LTBP1: variants seen among roughly 807,000 people sequenced by gnomAD.
LTBP1 encodes latent-transforming growth factor beta-binding protein 1.
LTBP1 carries 129 observed loss-of-function variants against 207.6 expected under a neutral mutation model. That is an observed-to-expected ratio of 0.62 (90% CI 0.54 to 0.72). The LOEUF is 0.72. LTBP1 is among the 30% of genes least tolerant of loss of function. The pLI, the probability that LTBP1 is intolerant of heterozygous loss-of-function variation, is 0.00. For missense variants in LTBP1, 2,281 were observed against 2,217.2 expected, an observed-to-expected ratio of 1.03 and a Z score of -0.58; for synonymous variants, 963 against 833.7, an observed-to-expected ratio of 1.16 and a Z score of -2.67.
chr2:33,384,646 G>A (rs1403397407), intron 31 of LTBP1, among the ~76,000 whole-genome samples: 1 of 152,228 alleles, frequency 6.6e-6, no homozygotes, highest in Admixed American at 6.5e-5. Flanking sequence ...TCTAAGGACA[G>A]AAAATGTGTT....
intron 5 of LTBP1, among the ~76,000 whole-genome samples, chr2:33,140,916 A>C (rs1453511808): frequency 6.6e-6 from 1 of 152,094 alleles, no homozygotes; most frequent in Non-Finnish European, 1.5e-5. Context: ...TGATCCACCC[A>C]CCTCAGCCTC....
At chr2:33,284,912 G>T (rs2093632793) in intron 19 of LTBP1, among the ~76,000 whole-genome samples, 1 of 151,966 alleles carries the variant, frequency 6.6e-6, no homozygotes, top group African/African-American at 2.4e-5. Flanking sequence ...ACATATGGTG[G>T]AACCCCATCC....
intron 3 of LTBP1, among the ~76,000 whole-genome samples, chr2:33,090,345 T>C (rs2079006215): frequency 6.6e-6 from 1 of 152,200 alleles, no homozygotes; most frequent in Non-Finnish European, 1.5e-5. Context: ...AGGTGTTGCC[T>C]TTGGTGGACT....
At chr2:33,297,803 C>T (rs2093909609) in intron 20 of LTBP1, among the ~76,000 whole-genome samples, 1 of 152,194 alleles carries the variant, frequency 6.6e-6, no homozygotes, top group Non-Finnish European at 1.5e-5. Context: ...ACAAGTTTTT[C>T]CAGTCACGTC....
At chr2:33,156,937 A>G (rs759292426) in intron 5 of LTBP1, among the ~76,000 whole-genome samples, 1 of 152,186 alleles carries the variant, frequency 6.6e-6, no homozygotes, top group Non-Finnish European at 1.5e-5. Context: ...AAGAACTTTG[A>G]TTCCATTTGA....
chr2:33,386,344 C>G (rs941106493), intron 31 of LTBP1, among the ~76,000 whole-genome samples: 23 of 152,248 alleles, frequency 1.5e-4, no homozygotes, highest in African/African-American at 5.1e-4. Flanking sequence ...CTTAGAGACT[C>G]AAGCCCATCT....
intron 5 of LTBP1, among the ~76,000 whole-genome samples, chr2:33,179,089 G>A (rs559613797): frequency 5.3e-5 from 8 of 152,100 alleles, no homozygotes; most frequent in Non-Finnish European, 1.2e-4. Flanking sequence ...TCTTTGTCTA[G>A]AGCAAGCTTG....
intron 7 of LTBP1, among the ~76,000 whole-genome samples, chr2:33,202,539 C>G (rs1298862219): frequency 6.6e-6 from 1 of 152,182 alleles, no homozygotes; most frequent in African/African-American, 2.4e-5. Context: ...ACAAAACAAA[C>G]AAACCTAGTT....
intron 3 of LTBP1, among the ~76,000 whole-genome samples, chr2:33,037,198 A>G (rs751297889): frequency 1.3e-5 from 2 of 152,178 alleles, no homozygotes; most frequent in African/African-American, 2.4e-5. Flanking sequence ...AAAAACTACC[A>G]TATCATATAT....
At chr2:33,230,024 A>G (rs889322278) in intron 9 of LTBP1, among the ~76,000 whole-genome samples, 6 of 152,224 alleles carry the variant, frequency 3.9e-5, no homozygotes, top group African/African-American at 1.2e-4. Context: ...TGTGATATTG[A>G]TGGTCAGTAA....
rs35730871 is a variant in LTBP1, at chr2:33,380,424, CA to C, written c.4712-8744del. 1.5e-3 allele frequency among the ~76,000 whole-genome samples: 185 copies of C among 125,626 alleles called. 1 individual carries two copies. The highest frequency in any genetic ancestry group is 2.3e-3 in the South Asian group (9 of 3,884). 82.4% of individuals were successfully genotyped at this position (125,626 alleles called of 152,430 possible). Reference sequence around the variant, plus strand: ...AAACTCTGTTTCTACTAAAAAAATACAAAAAAAAAAAAAAAATTAGCTGGGC... The same window carrying C: ...AAACTCTGTTTCTACTAAAAAAATACAAAAAAAAAAAAAAATTAGCTGGGC... On this transcript the variant is annotated intron_variant, in intron 31 of 33. Transcript: ENST00000404816.
chr2:33,383,541 T>C (rs375964422), intron 31 of LTBP1, among the ~76,000 whole-genome samples: 152 of 152,256 alleles, frequency 1.0e-3, no homozygotes, highest in African/African-American at 3.3e-3. Flanking sequence ...GACCCACTTT[T>C]CTGCTTCTTT....
intron 33 of LTBP1, among the ~76,000 whole-genome samples, chr2:33,398,118 GA>G (rs2095376230): frequency 6.6e-6 from 1 of 152,182 alleles, no homozygotes; most frequent in Non-Finnish European, 1.5e-5. Flanking sequence ...GGTTCTACTA[GA>G]AAATGTCAAG....
At chr2:33,052,578 T>C (rs930822017) in intron 3 of LTBP1, among the ~76,000 whole-genome samples, 1 of 152,222 alleles carries the variant, frequency 6.6e-6, no homozygotes, top group African/African-American at 2.4e-5. Context: ...ATAAACTTAT[T>C]GTCTAAAAGA....
chr2:33,230,419 A>G (rs1423983891), intron 9 of LTBP1, among the ~76,000 whole-genome samples: 6 of 152,120 alleles, frequency 3.9e-5, no homozygotes, highest in Admixed American at 2.6e-4. Flanking sequence ...GGGATGATTT[A>G]TTACATATAC....
intron 26 of LTBP1, among the ~76,000 whole-genome samples, chr2:33,349,460 A>G (rs1310137258): frequency 4.6e-5 from 7 of 151,924 alleles, no homozygotes; most frequent in Admixed American, 3.3e-4. Flanking sequence ...AAAAAAAAGT[A>G]CATTCATACA....
At chr2:33,147,956 C>T (rs564227029) in intron 5 of LTBP1, among the ~76,000 whole-genome samples, 7 of 152,202 alleles carry the variant, frequency 4.6e-5, no homozygotes, top group Non-Finnish European at 7.4e-5. Flanking sequence ...GCCAGCGTCC[C>T]AGGAAGTGAA....
chr2:33,367,874 T>C (rs373886375), intron 31 of LTBP1, among the ~76,000 whole-genome samples: 16 of 152,114 alleles, frequency 1.1e-4, no homozygotes. Flanking sequence ...GATGGCTAAA[T>C]AAATCATGTA....
At chr2:33,011,529 C>T (rs968546764) in intron 2 of LTBP1, among the ~76,000 whole-genome samples, 4 of 151,872 alleles carry the variant, frequency 2.6e-5, no homozygotes, top group Non-Finnish European at 5.9e-5. Context: ...GAGGGAAGAC[C>T]GAGTGAAGTC....
Sources: allele counts gnomAD v4.1 joint callset (sites outside exome capture counted in the v4.1 genomes callset), GRCh38; gene constraint gnomAD v4.1.1; transcripts MANE v1.5; gene names NCBI Gene and HGNC (gene_info 2026-07-23, HGNC 2026-07-21).